Variants in MAGT1 observed in about 807,000 individuals in gnomAD.
MAGT1 encodes magnesium transporter 1.
MAGT1 carries 4 observed loss-of-function variants against 28.4 expected under a neutral mutation model. The observed-to-expected ratio is 0.14, with a 90% CI of 0.07 to 0.32. The LOEUF (loss-of-function observed/expected upper bound fraction) is 0.32, where lower values mean the gene tolerates loss of function less well. MAGT1 is among the 10% of genes least tolerant of loss of function. The pLI is 1.00. For missense variants in MAGT1, 193 were observed against 264.5 expected (o/e 0.73, Z 1.88); for synonymous variants, 89 against 89.7 (o/e 0.99, Z 0.04).
chrX:77,882,823 C>T (rs781790446), intron 1 of MAGT1, among the ~76,000 whole-genome samples: 3 of 106,408 alleles, frequency 2.8e-5, no homozygotes, highest in South Asian at 4.1e-4. Flanking sequence ...TAAAATTGGT[C>T]GGATGTGGTG....
At chrX:77,833,897 T>C (rs1037946562) in intron 8 of MAGT1, among the ~76,000 whole-genome samples, 3 of 111,010 alleles carry the variant, frequency 2.7e-5, no homozygotes, top group East Asian at 5.6e-4. Context: ...AGAGTTATAG[T>C]AACCAAAACA....
intron 7 of MAGT1, among the ~76,000 whole-genome samples, chrX:77,848,212 T>C (rs2076957556): frequency 8.9e-6 from 1 of 112,295 alleles, no homozygotes; most frequent in Admixed American, 9.5e-5. Context: ...AAAATAAAGA[T>C]CCTACCATGA....
intron 3 of MAGT1, among the ~76,000 whole-genome samples, chrX:77,862,100 CT>C (rs2076996202): frequency 9.0e-6 from 1 of 110,887 alleles, no homozygotes. Context: ...TCTGAAATTC[CT>C]TGGAGGTTAA....
In MAGT1 at chrX:77,829,698, A is replaced by T. The variant is rs782699002; in HGVS notation, c.993-463T>A. 1.6e-4 allele frequency among the ~76,000 whole-genome samples: 18 copies of T among 109,671 alleles called. No individual in the cohort carries two copies. The South Asian group carries it at 6.9e-3, about 42-fold the overall frequency. On this transcript the variant is annotated intron_variant, in intron 9 of 9. Coordinates refer to ENST00000618282, the MANE Select transcript of MAGT1 (RefSeq NM_001367916.1). ...TATTCTGTAGAGGATAAATTATTAT[A>T]ATTATTATTTTTGAGATGGGGTCTC...
rs2076887695 is a variant in MAGT1 at position 77,827,881 on chromosome X, TCA to T, written c.*1337_*1338del. ...AAGCTATATTTTTATCACAGATGGGTCACCTTAAAAGAAAACTAAGGAGATGG... is the reference window on the plus strand; with the variant it reads ...AAGCTATATTTTTATCACAGATGGGTCCTTAAAAGAAAACTAAGGAGATGG... On this transcript the variant is annotated 3_prime_UTR_variant, in exon 10 of 10. Coordinates refer to ENST00000618282, the MANE Select transcript of MAGT1 (RefSeq NM_001367916.1). 2.7e-5 allele frequency: 3 copies of T among 111,655 alleles called. No individual in the cohort carries two copies. The highest frequency in any genetic ancestry group is 5.6e-5 in the Non-Finnish European group (3 of 53,180). 9.2% of individuals were successfully genotyped at this position (111,655 alleles called of 1,213,427 possible). A position where few individuals can be genotyped will look rare whatever the true frequency, so the allele number is the denominator to read the frequency against.
chrX:77,854,877 T>G (rs1557215818), intron 6 of MAGT1, among the ~76,000 whole-genome samples: 1 of 112,079 alleles, frequency 8.9e-6, no homozygotes, highest in Non-Finnish European at 1.9e-5. Flanking sequence ...TATTTAATAA[T>G]AATTAGCACA....
chrX:77,856,604 A>C (rs1221620047), intron 5 of MAGT1, 129 bp downstream of exon 5: 2 of 634,465 alleles, frequency 3.2e-6, no homozygotes, highest in African/African-American at 4.6e-5. Context: ...ACAGAAAATT[A>C]AAATATATAA....
Position 77,837,057 on chromosome X carries a change from GA to G in MAGT1, c.901+4188del, listed in dbSNP as rs2076920859. Among the ~76,000 whole-genome samples, 4 of 111,944 alleles carry G rather than the reference GA, an allele frequency of 3.6e-5. No individual in the cohort carries two copies. In the South Asian group the frequency reaches 1.5e-3, roughly 41 times the overall value. On this transcript the variant is annotated intron_variant, in intron 8 of 9. Transcript: ENST00000618282. The stretch of plus-strand genomic sequence containing the variant: ...AATTTGTGATCATTTTGTTAGGTAA[GA>G]AACTTAGGAGATCAAATTGTGACTA...
At chrX:77,890,521 G>A (rs2077079362) in intron 1 of MAGT1, among the ~76,000 whole-genome samples, 2 of 111,736 alleles carry the variant, frequency 1.8e-5, no homozygotes, top group Admixed American at 1.9e-4. Context: ...TACTAAGCCT[G>A]TTTCTCTAAT....
rs782703819 is a variant in MAGT1 at position 77,887,818 on chromosome X, G to GT, written c.102+7490dup. 1.2e-4 allele frequency among the ~76,000 whole-genome samples: 13 copies of GT among 112,167 alleles called. 1 individual carries two copies. The East Asian group carries it at 3.1e-3, about 27-fold the overall frequency. On this transcript the variant is annotated intron_variant, in intron 1 of 9. Coordinates refer to ENST00000618282, the MANE Select transcript of MAGT1 (RefSeq NM_001367916.1). ...AATGCAAATACTTTTCCCGCTAATA[G>GT]TTTTTTTGAGACAGAGTCTTGCTCT...
chrX:77,883,729 T>C (rs782120733), intron 1 of MAGT1, among the ~76,000 whole-genome samples: 1 of 107,766 alleles, frequency 9.3e-6, no homozygotes, highest in East Asian at 3.0e-4. Flanking sequence ...CCACTAATTT[T>C]TGTAGAGACG....
chrX:77,861,426 T>C (rs1423571303), intron 3 of MAGT1, among the ~76,000 whole-genome samples: 2 of 111,839 alleles, frequency 1.8e-5, no homozygotes, highest in East Asian at 5.6e-4. Context: ...GTGGAGAAAC[T>C]GGAAACCCTG....
intron 7 of MAGT1, among the ~76,000 whole-genome samples, chrX:77,844,642 T>C (rs1217445237): frequency 9.0e-6 from 1 of 111,695 alleles, no homozygotes; most frequent in Non-Finnish European, 1.9e-5. Flanking sequence ...TTCTGGTATG[T>C]TGTGTCTTTG....
chrX:77,889,374 A>T (rs782387650), intron 1 of MAGT1, among the ~76,000 whole-genome samples: 26 of 98,992 alleles, frequency 2.6e-4, no homozygotes, highest in African/African-American at 3.4e-4. Context: ...ATATATATAT[A>T]TATTTTTTTT....
chrX:77,893,682 GC>G (rs1303320311), intron 1 of MAGT1, among the ~76,000 whole-genome samples: 1 of 112,212 alleles, frequency 8.9e-6, no homozygotes, highest in Non-Finnish European at 1.9e-5. Context: ...CAACACTTGA[GC>G]CCAGGAGTTT....
chrX:77,863,336 C>A (rs782049240), intron 3 of MAGT1, among the ~76,000 whole-genome samples: 1 of 108,801 alleles, frequency 9.2e-6, no homozygotes, highest in South Asian at 4.0e-4. Context: ...CACGGTGAAG[C>A]CCCATCTCTA....
At chrX:77,876,246 A>G (rs1333408587) in intron 1 of MAGT1, among the ~76,000 whole-genome samples, 2 of 95,270 alleles carry the variant, frequency 2.1e-5, no homozygotes, top group Non-Finnish European at 4.1e-5. Context: ...GGCTCACATG[A>G]TCCTCCCAAC....
At chrX:77,849,954 A>G (rs187784842) in intron 7 of MAGT1, among the ~76,000 whole-genome samples, 2 of 111,142 alleles carry the variant, frequency 1.8e-5, no homozygotes, top group East Asian at 5.6e-4. Flanking sequence ...ACTTTTCTGC[A>G]TAACTGCAAC....
chrX:77,853,804 AT>A, intron 7 of MAGT1, 96 bp downstream of exon 7: 1 of 700,492 alleles, frequency 1.4e-6, no homozygotes, highest in South Asian at 2.2e-5. Context: ...TGTGACTTGC[AT>A]TAAGAGAACA....
Sources: gnomAD v4.1 joint callset for allele counts (sites outside exome capture counted in the v4.1 genomes callset) on GRCh38, gnomAD v4.1.1 for gene constraint, MANE v1.5 for transcripts, NCBI Gene and HGNC (gene_info 2026-07-23, HGNC 2026-07-21) for gene names.